The following CASR variants were observed in gnomAD, a reference collection of about 807,000 sequenced individuals.
The protein encoded by CASR is calcium sensing receptor.
Under a neutral mutation model 69.1 loss-of-function variants are expected in CASR, and 23 were observed. The ratio of observed to expected loss-of-function variants is 0.33; its 90% CI spans 0.24 to 0.47. The LOEUF (loss-of-function observed/expected upper bound fraction) is 0.47, where lower values mean the gene tolerates loss of function less well. Among genes scored for constraint, CASR ranks in the 20% least tolerant of loss-of-function variants. The pLI is 1.00. For synonymous variants in CASR, 541 were observed against 544.7 expected (o/e 0.99, Z 0.10); for missense variants, 924 against 1,356.1 (o/e 0.68, Z 5.00).
intron 1 of CASR, among the ~76,000 whole-genome samples, chr3:122,252,468 G>GA (rs1559954477): frequency 1.1e-5 from 1 of 88,548 alleles, no homozygotes; most frequent in African/African-American, 4.5e-5. Context: ...AGAAAGAAAA[G>GA]AAAAGAAGGG....
intron 1 of CASR, among the ~76,000 whole-genome samples, chr3:122,228,396 C>T (rs965862365): frequency 3.9e-5 from 6 of 152,244 alleles, no homozygotes; most frequent in South Asian, 2.1e-4. Context: ...TTAAAGATTA[C>T]GTTGTATTCT....
intron 1 of CASR, among the ~76,000 whole-genome samples, chr3:122,223,893 A>C (rs1448250274): frequency 6.6e-6 from 1 of 152,244 alleles, no homozygotes; most frequent in Non-Finnish European, 1.5e-5. Context: ...ACATACGCAA[A>C]TCAATAAATG....
intron 1 of CASR, among the ~76,000 whole-genome samples, chr3:122,191,069 A>G (rs1243867108): frequency 6.6e-6 from 1 of 152,222 alleles, no homozygotes; most frequent in Non-Finnish European, 1.5e-5. Flanking sequence ...AAATGAACAC[A>G]CATAGCTTAT....
chr3:122,271,251 C>T (rs1367448330), intron 4 of CASR, among the ~76,000 whole-genome samples: 1 of 152,082 alleles, frequency 6.6e-6, no homozygotes, highest in East Asian at 1.9e-4. Flanking sequence ...AAATCTAGGC[C>T]CTCTACAAAC....
At chr3:122,216,827 C>T (rs2074121656) in intron 1 of CASR, among the ~76,000 whole-genome samples, 1 of 152,170 alleles carries the variant, frequency 6.6e-6, no homozygotes, top group Non-Finnish European at 1.5e-5. Flanking sequence ...AAGAGTGCCT[C>T]ATCAACAGTG....
chr3:122,253,308 C>T (rs2074517755), intron 1 of CASR, among the ~76,000 whole-genome samples: 1 of 152,366 alleles, frequency 6.6e-6, no homozygotes, highest in African/African-American at 2.4e-5. Context: ...ATGGCACGAT[C>T]TCGGCTCACT....
intron 1 of CASR, among the ~76,000 whole-genome samples, chr3:122,243,009 A>G (rs2107615841): frequency 6.6e-6 from 1 of 152,282 alleles, no homozygotes; most frequent in Middle Eastern, 3.4e-3. Flanking sequence ...CTCTCACCAT[A>G]TACAAAAATC....
intron 1 of CASR, among the ~76,000 whole-genome samples, chr3:122,197,032 C>T (rs776576970): frequency 2.1e-4 from 32 of 152,090 alleles, no homozygotes; most frequent in Non-Finnish European, 4.4e-4. Context: ...TTAACTACAA[C>T]CAAGATGCTG....
At chr3:122,191,297 G>GT (rs1229481549) in intron 1 of CASR, among the ~76,000 whole-genome samples, 1 of 151,946 alleles carries the variant, frequency 6.6e-6, no homozygotes, top group African/African-American at 2.4e-5. Context: ...AAATACTTGG[G>GT]TTTTTTTGTT....
At position 122,287,271 on chromosome 3, in the gene CASR, G is replaced by C. The variant is rs1417192539; in HGVS notation, c.*2080G>C. 1 of 152,214 alleles carries C rather than the reference G, an allele frequency of 6.6e-6. No homozygotes were observed. The highest frequency in any genetic ancestry group is 1.5e-5 in the Non-Finnish European group (1 of 68,044). The allele number at this position is 152,214 out of a possible 1,614,324, so 9.4% of individuals were successfully genotyped here. A position where few individuals can be genotyped will look rare whatever the true frequency, so the allele number is the denominator to read the frequency against. ...AAGGGGCTTTAGGAGGAAAACATAG[G>C]TTTACAGTGAGCTTTTATTTCACCA... is the stretch of plus-strand genomic sequence containing the variant. On this transcript the variant is annotated 3_prime_UTR_variant, in exon 7 of 7. Transcript: ENST00000639785.
chr3:122,238,540 A>C (rs1201983478), intron 1 of CASR, among the ~76,000 whole-genome samples: 1 of 152,186 alleles, frequency 6.6e-6, no homozygotes, highest in Non-Finnish European at 1.5e-5. Flanking sequence ...GCTAGGCTTA[A>C]CACTAGAGCC....
At chr3:122,279,322 C>A (rs1296030768) in intron 5 of CASR, among the ~76,000 whole-genome samples, 1 of 152,128 alleles carries the variant, frequency 6.6e-6, no homozygotes, top group African/African-American at 2.4e-5. Flanking sequence ...CACTCACAGC[C>A]TAGCAGAAAC....
intron 1 of CASR, among the ~76,000 whole-genome samples, chr3:122,212,374 C>A (rs187921728): frequency 2.0e-5 from 3 of 152,064 alleles, no homozygotes; most frequent in Non-Finnish European, 4.4e-5. Flanking sequence ...CACATGGACA[C>A]AGGGAGAGGA....
intron 3 of CASR, chr3:122,257,589 C>G: frequency 1.9e-6 from 1 of 537,088 alleles, no homozygotes; most frequent in Admixed American, 3.4e-5. Flanking sequence ...CTTCACTATG[C>G]TTCCAAAATT....
chr3:122,216,692 A>G (rs1008404411), intron 1 of CASR, among the ~76,000 whole-genome samples: 1 of 152,246 alleles, frequency 6.6e-6, no homozygotes, highest in Admixed American at 6.5e-5. Flanking sequence ...GGCACATAAA[A>G]GTGCTCATTA....
At chr3:122,231,907 CT>C (rs1559946544) in intron 1 of CASR, among the ~76,000 whole-genome samples, 1 of 152,184 alleles carries the variant, frequency 6.6e-6, no homozygotes, top group East Asian at 1.9e-4. Context: ...ACAGTCACCC[CT>C]GAGCCAAAGA....
chr3:122,201,771 T>G (rs1165645427), intron 1 of CASR, among the ~76,000 whole-genome samples: 1 of 151,414 alleles, frequency 6.6e-6, no homozygotes, highest in Non-Finnish European at 1.5e-5. Flanking sequence ...GTCTCCTCAC[T>G]TCTCAGACGG....
At chr3:122,249,024 G>A (rs925648696) in intron 1 of CASR, among the ~76,000 whole-genome samples, 16 of 152,186 alleles carry the variant, frequency 1.1e-4, no homozygotes, top group African/African-American at 2.9e-4. Context: ...TCTGCCTACA[G>A]GAACCATCAG....
intron 6 of CASR, 106 bp from the exon 7 acceptor site, chr3:122,283,581 G>A (rs925957932): frequency 3.5e-6 from 3 of 852,920 alleles, no homozygotes; most frequent in African/African-American, 3.3e-5. Context: ...GAGAAAATAT[G>A]TAGTGACCAC....
Sources: allele counts gnomAD v4.1 joint callset (sites outside exome capture counted in the v4.1 genomes callset), GRCh38; gene constraint gnomAD v4.1.1; transcripts MANE v1.5; gene names NCBI Gene and HGNC (gene_info 2026-07-23, HGNC 2026-07-21).